KIAA1549L: variants seen among roughly 807,000 people sequenced by gnomAD.
KIAA1549L encodes KIAA1549 like, also known as UPF0606 protein KIAA1549L.
In KIAA1549L, 88 loss-of-function variants were observed where a neutral mutation model predicts 160.7. The ratio of observed to expected loss-of-function variants is 0.55; its 90% CI spans 0.46 to 0.65. KIAA1549L has a LOEUF of 0.65. KIAA1549L is among the 30% of genes least tolerant of loss of function. The pLI is 0.00. For synonymous variants in KIAA1549L, 950 were observed against 976.7 expected (o/e 0.97, Z 0.51); for missense variants, 2,258 against 2,437.5 (o/e 0.93, Z 1.55).
chr11:33,405,001 C>T (rs1850615260), intron 1 of KIAA1549L, among the ~76,000 whole-genome samples: 1 of 102,650 alleles, frequency 9.7e-6, no homozygotes, highest in Non-Finnish European at 2.0e-5. Flanking sequence ...GAGTGAGACT[C>T]TGTCTCAAAA....
At chr11:33,570,679 C>T (rs749352924) in intron 9 of KIAA1549L, among the ~76,000 whole-genome samples, 2 of 152,136 alleles carry the variant, frequency 1.3e-5, no homozygotes, top group African/African-American at 4.8e-5. Flanking sequence ...GAGCTACCTT[C>T]ATGAATATGG....
chr11:33,524,365 A>G (rs1853564217), intron 1 of KIAA1549L, among the ~76,000 whole-genome samples: 1 of 151,624 alleles, frequency 6.6e-6, no homozygotes, highest in East Asian at 1.9e-4. Context: ...CCTATGAAAG[A>G]TTTACCTATT....
chr11:33,588,487 G>C (rs75754586), intron 11 of KIAA1549L, among the ~76,000 whole-genome samples: 3 of 152,076 alleles, frequency 2.0e-5, no homozygotes, highest in African/African-American at 7.3e-5. Context: ...GAAGCTCATC[G>C]GGGAGGCCTG....
chr11:33,569,358 A>G (rs766714422), intron 9 of KIAA1549L, among the ~76,000 whole-genome samples: 1 of 152,208 alleles, frequency 6.6e-6, no homozygotes, highest in East Asian at 1.9e-4. Flanking sequence ...AAATTAGAGA[A>G]GCACTCCTGG....
chr11:33,496,875 T>C (rs570524681), intron 1 of KIAA1549L, among the ~76,000 whole-genome samples: 3 of 152,282 alleles, frequency 2.0e-5, no homozygotes, highest in African/African-American at 7.2e-5. Context: ...CTTTGTATAA[T>C]TCTTCCCTTT....
At chr11:33,423,848 C>T (rs1349945620) in intron 1 of KIAA1549L, among the ~76,000 whole-genome samples, 4 of 152,070 alleles carry the variant, frequency 2.6e-5, no homozygotes, top group African/African-American at 4.8e-5. Context: ...GGCAACATAG[C>T]GAGATGCTGT....
intron 12 of KIAA1549L, among the ~76,000 whole-genome samples, chr11:33,596,169 C>T (rs1850193549): frequency 6.6e-6 from 1 of 152,190 alleles, no homozygotes; most frequent in Non-Finnish European, 1.5e-5. Context: ...TGCAGCCTCG[C>T]AGGTGACACT....
At chr11:33,621,723 T>A (rs1023314163) in intron 16 of KIAA1549L, among the ~76,000 whole-genome samples, 8 of 152,202 alleles carry the variant, frequency 5.3e-5, no homozygotes, top group Non-Finnish European at 1.0e-4. Context: ...TGATTTTTCC[T>A]TTATCAGCCA....
At chr11:33,524,227 C>A (rs1853560903) in intron 1 of KIAA1549L, among the ~76,000 whole-genome samples, 1 of 152,082 alleles carries the variant, frequency 6.6e-6, no homozygotes, top group Non-Finnish European at 1.5e-5. Flanking sequence ...GGGTTTCAAA[C>A]TTTTTGCCAG....
rs186989703 is a variant in KIAA1549L, at chr11:33,394,201, C to T, written c.238+17312C>T. 3.0e-3 allele frequency among the ~76,000 whole-genome samples: 456 copies of T among 152,084 alleles called. 7 individuals are homozygous for T. The highest frequency in any genetic ancestry group is 6.8e-3 in the Middle Eastern group (2 of 294). On this transcript the variant is annotated intron_variant, in intron 1 of 20. Coordinates refer to ENST00000658780, the MANE Select transcript of KIAA1549L (RefSeq NM_012194.3). Reference sequence around the variant, plus strand: ...CAGCCTCGGCAACATGGTGAGGCCCCCTCTCTACCAAAAACTAAACAAAAC... The same window carrying T: ...CAGCCTCGGCAACATGGTGAGGCCCTCTCTCTACCAAAAACTAAACAAAAC...
intron 10 of KIAA1549L, among the ~76,000 whole-genome samples, chr11:33,581,102 A>G (rs1376384259): frequency 6.6e-6 from 1 of 152,188 alleles, no homozygotes; most frequent in Non-Finnish European, 1.5e-5. Flanking sequence ...AAGAGCGGCC[A>G]TGGTCACTAG....
chr11:33,539,647 G>A (rs1157052851), intron 1 of KIAA1549L, among the ~76,000 whole-genome samples: 1 of 152,138 alleles, frequency 6.6e-6, no homozygotes, highest in Non-Finnish European at 1.5e-5. Flanking sequence ...ATGTTGCTAG[G>A]TTTTGTTTCT....
At position 33,542,820 on chromosome 11, in the gene KIAA1549L, A is replaced by T; in HGVS notation, c.1257A>T (p.Pro419=). The part of the protein sequence containing the change: ...TETATHEAEP[P]LFQTAESGAI... ...CAGCGACCCATGAGGCTGAGCCTCC[A>T]CTTTTCCAGACTGCAGAATCAGGGG... The change falls in exon 2 of 21, where the codon CCA becomes CCT. Residue 419 remains proline, a synonymous_variant. Transcript: ENST00000658780. The T allele has an allele frequency of 6.2e-7, 1 of 1,613,876 alleles. No homozygotes were observed. Among genetic ancestry groups the T allele is most frequent in the Non-Finnish European group, 8.5e-7 (1 of 1,179,864 alleles).
chr11:33,631,301 C>G (rs1052757766), intron 16 of KIAA1549L, among the ~76,000 whole-genome samples: 1 of 152,178 alleles, frequency 6.6e-6, no homozygotes, highest in East Asian at 1.9e-4. Context: ...TCAACCACCC[C>G]CTTGGCTCCA....
intron 1 of KIAA1549L, among the ~76,000 whole-genome samples, chr11:33,379,605 G>A (rs900317801): frequency 1.3e-5 from 2 of 152,126 alleles, no homozygotes; most frequent in African/African-American, 2.4e-5. Flanking sequence ...GTTCATGTCA[G>A]TAAACATTTA....
intron 1 of KIAA1549L, among the ~76,000 whole-genome samples, chr11:33,539,372 C>G (rs1336138828): frequency 6.6e-6 from 1 of 152,148 alleles, no homozygotes; most frequent in Non-Finnish European, 1.5e-5. Context: ...GGAATATGCC[C>G]ACATAAATTC....
At chr11:33,585,155 C>T (rs543327522) in intron 11 of KIAA1549L, among the ~76,000 whole-genome samples, 6 of 152,348 alleles carry the variant, frequency 3.9e-5, no homozygotes, top group Admixed American at 6.5e-5. Flanking sequence ...GCTTCCCAGA[C>T]ACAGCAGGAT....
At chr11:33,497,879 T>C (rs905130747) in intron 1 of KIAA1549L, among the ~76,000 whole-genome samples, 2 of 152,226 alleles carry the variant, frequency 1.3e-5, no homozygotes, top group African/African-American at 2.4e-5. Flanking sequence ...TCTTGGTGTT[T>C]ATTTGAGCTA....
intron 1 of KIAA1549L, among the ~76,000 whole-genome samples, chr11:33,530,439 ATATATAT>A (rs1853738241): frequency 5.7e-3 from 21 of 3,716 alleles, no homozygotes; most frequent in Non-Finnish European, 7.6e-3. Context: ...AAAAAAAAAT[ATATATAT>A]ATATATATAT....
Sources: allele counts gnomAD v4.1 joint callset (sites outside exome capture counted in the v4.1 genomes callset), GRCh38; gene constraint gnomAD v4.1.1; transcripts MANE v1.5; gene names NCBI Gene and HGNC (gene_info 2026-07-23, HGNC 2026-07-21).